The following SLC5A11 variants were observed in gnomAD, a reference collection of about 807,000 sequenced individuals.
The protein encoded by SLC5A11 is solute carrier family 5 member 11.
In SLC5A11, 48 loss-of-function variants were observed where a neutral mutation model predicts 69.8. The observed-to-expected ratio is 0.69, with a 90% CI of 0.55 to 0.87. The LOEUF (loss-of-function observed/expected upper bound fraction) is 0.87. SLC5A11 is among the 40% of genes least tolerant of loss of function. SLC5A11 has a pLI of 0.00. For synonymous variants in SLC5A11, 319 were observed against 342.4 expected, an observed-to-expected ratio of 0.93 and a Z score of 0.75; for missense variants, 784 against 866.1, an observed-to-expected ratio of 0.91 and a Z score of 1.19.
intron 1 of SLC5A11, among the ~76,000 whole-genome samples, chr16:24,847,158 CCTTT>C (rs2059054031): frequency 6.6e-6 from 1 of 150,900 alleles, no homozygotes; most frequent in Non-Finnish European, 1.5e-5. Context: ...TCTTTCTTTT[CCTTT>C]CTTTTCTTTG....
chr16:24,895,222 C>T (rs2049072560), intron 9 of SLC5A11, among the ~76,000 whole-genome samples: 1 of 152,052 alleles, frequency 6.6e-6, no homozygotes, highest in Admixed American at 6.6e-5. Flanking sequence ...GGTGTGGCAG[C>T]TCATGCCTGT....
At chr16:24,871,966 C>T (rs914190426) in intron 4 of SLC5A11, among the ~76,000 whole-genome samples, 194 bp from the exon 6 acceptor site, 1 of 152,132 alleles carries the variant, frequency 6.6e-6, no homozygotes, top group African/African-American at 2.4e-5. Context: ...TTTCCACTCT[C>T]CTCTTCCTTC....
At chr16:24,881,349 C>T (rs1273688594) in intron 7 of SLC5A11, among the ~76,000 whole-genome samples, 1 of 151,968 alleles carries the variant, frequency 6.6e-6, no homozygotes, top group Non-Finnish European at 1.5e-5. Context: ...TGCAATGGTG[C>T]AATCTTGGCA....
intron 3 of SLC5A11, among the ~76,000 whole-genome samples, chr16:24,868,609 AAAG>A (rs2047072953): frequency 6.6e-6 from 1 of 151,400 alleles, no homozygotes; most frequent in Non-Finnish European, 1.5e-5. Context: ...AAAAAAAAAA[AAAG>A]AGACTCACAC....
intron 13 of SLC5A11, 120 bp downstream of exon 14, chr16:24,908,251 G>C: frequency 8.6e-7 from 1 of 1,168,866 alleles, no homozygotes. Context: ...TGAGAGGGAG[G>C]GTGAGTTCCA....
Position 24,890,955 on chromosome 16 carries a change from G to GAA in SLC5A11, c.751_752insAA (p.Gly251GlufsTer16). 1 of 1,614,120 alleles carries GAA rather than the reference G, an allele frequency of 6.2e-7. No homozygotes were observed. The highest frequency in any genetic ancestry group is 1.1e-5 in the South Asian group (1 of 91,072). On this transcript the variant is annotated frameshift_variant, in exon 9 of 16. Coordinates refer to ENST00000347898, the Ensembl canonical transcript of SLC5A11. LOFTEE classifies it high-confidence loss of function. ...CAACCGGAGTGAGAACAGCAGCTGCGGGCTGCCCCGGGAAGATGCCTTCCA... is the reference window on the plus strand; with the variant it reads ...CAACCGGAGTGAGAACAGCAGCTGCGAAGGCTGCCCCGGGAAGATGCCTTCCA...
At chr16:24,887,866 G>A (rs937956623) in intron 8 of SLC5A11, among the ~76,000 whole-genome samples, 2 of 152,056 alleles carry the variant, frequency 1.3e-5, no homozygotes, top group African/African-American at 2.4e-5. Flanking sequence ...AGCGATAAAC[G>A]GGGGATAAGT....
chr16:24,910,429 A>G, exon 15 of SLC5A11: 1 of 1,614,170 alleles, frequency 6.2e-7, no homozygotes, highest in Non-Finnish European at 8.5e-7. Flanking sequence ...CAGCAGCAGC[A>G]GCGTCCAGTT....
At chr16:24,856,623 T>C (rs1418007971) in intron 1 of SLC5A11, among the ~76,000 whole-genome samples, 37 of 127,336 alleles carry the variant, frequency 2.9e-4, no homozygotes, top group African/African-American at 9.6e-4. Flanking sequence ...AAAAAAAAAT[T>C]AGCTGAGCGT....
At chr16:24,890,901 AAGG>A in exon 9 of SLC5A11, 1 of 1,614,140 alleles carries the variant, frequency 6.2e-7, no homozygotes, top group Non-Finnish European at 8.5e-7. Flanking sequence ...GGAAGGACTG[AAGG>A]AGAAGTACTT....
intron 10 of SLC5A11, 66 bp from the exon 12 acceptor site, chr16:24,906,589 CCA>C: frequency 5.2e-6 from 5 of 953,788 alleles, no homozygotes; most frequent in Non-Finnish European, 6.4e-6. Context: ...GTGTCCGGCC[CCA>C]TGTTGCCTGG....
At chr16:24,875,772 G>T in intron 6 of SLC5A11, 41 bp downstream of exon 7, 1 of 1,509,372 alleles carries the variant, frequency 6.6e-7, no homozygotes, top group Non-Finnish European at 9.2e-7. Flanking sequence ...ATGCAGCATG[G>T]GGAGAAGATA....
intron 8 of SLC5A11, among the ~76,000 whole-genome samples, chr16:24,884,673 A>G (rs2048286536): frequency 6.7e-6 from 1 of 148,984 alleles, no homozygotes. Flanking sequence ...CTATACTAAT[A>G]TGGAAAAATA....
At chr16:24,856,773 A>AAAAT (rs1488475609) in intron 1 of SLC5A11, among the ~76,000 whole-genome samples, 2 of 150,932 alleles carry the variant, frequency 1.3e-5, no homozygotes, top group South Asian at 2.1e-4. Flanking sequence ...TCCATCTCAA[A>AAAAT]AAATAAATAA....
intron 5 of SLC5A11, among the ~76,000 whole-genome samples, chr16:24,873,309 A>C (rs2047454385): frequency 7.2e-6 from 1 of 138,676 alleles, no homozygotes; most frequent in Admixed American, 7.0e-5. Context: ...AAGGAAATAA[A>C]TATAATGTAC....
chr16:24,867,611 C>G (rs2152287276), intron 3 of SLC5A11, among the ~76,000 whole-genome samples: 1 of 151,868 alleles, frequency 6.6e-6, no homozygotes, highest in South Asian at 2.1e-4. Context: ...CAAAATTGAC[C>G]AATTTCTACC....
At chr16:24,905,848 T>C (rs944359944) in intron 10 of SLC5A11, among the ~76,000 whole-genome samples, 4 of 89,202 alleles carry the variant, frequency 4.5e-5, no homozygotes, top group African/African-American at 1.4e-4. Flanking sequence ...AATAACAGTA[T>C]CTTCCCCCAT....
chr16:24,871,340 G>A (rs1821018613), intron 4 of SLC5A11, among the ~76,000 whole-genome samples: 1 of 152,066 alleles, frequency 6.6e-6, no homozygotes, highest in African/African-American at 2.4e-5. Flanking sequence ...GTGTGGTCAT[G>A]GCTCACTGCA....
At chr16:24,910,682 C>T (rs2050452160) in intron 15 of SLC5A11, among the ~76,000 whole-genome samples, 1 of 152,108 alleles carries the variant, frequency 6.6e-6, no homozygotes, top group South Asian at 2.1e-4. Context: ...CCTACGGGCA[C>T]TAACAGCAAA....
Sources: allele counts gnomAD v4.1 joint callset (sites outside exome capture counted in the v4.1 genomes callset), GRCh38; gene constraint gnomAD v4.1.1; transcripts MANE v1.5; gene names NCBI Gene and HGNC (gene_info 2026-07-23, HGNC 2026-07-21).